Variants in DYNC1H1 observed in about 807,000 individuals in gnomAD.
The protein encoded by DYNC1H1 is cytoplasmic dynein 1 heavy chain 1.
DYNC1H1 carries 51 observed loss-of-function variants against 527.1 expected under a neutral mutation model. The observed-to-expected ratio is 0.10, with a 90% CI of 0.08 to 0.12. DYNC1H1 has a LOEUF of 0.12. Ranked by LOEUF, DYNC1H1 falls within the 10% of genes least tolerant of loss-of-function variation. The pLI, the probability that DYNC1H1 is intolerant of heterozygous loss-of-function variation, is 1.00. For synonymous variants in DYNC1H1, 2,189 were observed against 2,278.8 expected, an observed-to-expected ratio of 0.96 and a Z score of 1.12; for missense variants, 2,771 against 5,971.8, an observed-to-expected ratio of 0.46 and a Z score of 17.66.
At chr14:101,974,947 C>T (rs932327266) in intron 1 of DYNC1H1, among the ~76,000 whole-genome samples, 2 of 152,170 alleles carry the variant, frequency 1.3e-5, no homozygotes, top group African/African-American at 4.8e-5. Context: ...TAAGTCAAAC[C>T]CAGAACAGAC....
At chr14:101,980,012 A>T (rs1182934020) in intron 4 of DYNC1H1, 38 bp downstream of exon 4, 3 of 1,613,522 alleles carry the variant, frequency 1.9e-6, no homozygotes, top group Admixed American at 3.3e-5. Context: ...AAAATATGTT[A>T]CTCTTTAATA....
At position 102,049,749 on chromosome 14, in the gene DYNC1H1, T is replaced by C; in HGVS notation, c.13551T>C (p.Pro4517=). The change falls in exon 76 of 78, where the codon CCT becomes CCC. Residue 4517 remains proline (P), a synonymous_variant. Transcript: ENST00000360184. The surrounding 1 kb of genome is among the most constrained non-coding windows in gnomAD (Gnocchi z 5.5). ...IHVCLGGLFV[P]EAYITATRQY... is the part of the protein sequence containing the mutation. Reference sequence around the variant, plus strand: ...TGTGCCTGGGTGGCCTGTTCGTGCCTGAGGCGTACATCACTGCCACCAGGC... The same window carrying C: ...TGTGCCTGGGTGGCCTGTTCGTGCCCGAGGCGTACATCACTGCCACCAGGC... 1 of 1,613,914 alleles carries C rather than the reference T, an allele frequency of 6.2e-7. No individual in the cohort carries two copies. Among genetic ancestry groups the C allele is most frequent in the Non-Finnish European group, 8.5e-7 (1 of 1,180,018 alleles).
chr14:101,988,922 A>G (rs1051467392), intron 10 of DYNC1H1, 70 bp downstream of exon 10: 14 of 1,594,196 alleles, frequency 8.8e-6, no homozygotes, highest in Admixed American at 5.1e-5. Context: ...AAAAACACCT[A>G]TGGAAAGGTC....
chr14:101,977,691 C>T (rs545760185), intron 2 of DYNC1H1, among the ~76,000 whole-genome samples: 1 of 152,312 alleles, frequency 6.6e-6, no homozygotes, highest in East Asian at 1.9e-4. Flanking sequence ...TGGAGTAGTA[C>T]TTCAGCCTTT....
At chr14:102,000,865 G>T in intron 18 of DYNC1H1, 89 bp from the exon 19 acceptor site, 1 of 1,239,646 alleles carries the variant, frequency 8.1e-7, no homozygotes, top group Non-Finnish European at 1.2e-6. Context: ...GAGCCACCGC[G>T]CCTGGCCTGA....
rs757795096 is a variant in DYNC1H1 at position 102,017,507 on chromosome 14, A to G, written c.8177+3A>G. ...GGAAGAAAGCCCCTCTCACACAGGTAAAACAGCTCGGTAGACTGCTCTGCT... is the reference window on the plus strand; with the variant it reads ...GGAAGAAAGCCCCTCTCACACAGGTGAAACAGCTCGGTAGACTGCTCTGCT... On this transcript the variant is annotated splice_donor_region_variant and intron_variant, in intron 40 of 77. Coordinates refer to ENST00000360184, the MANE Select transcript of DYNC1H1 (RefSeq NM_001376.5). The surrounding 1 kb of genome is among the most constrained non-coding windows in gnomAD (Gnocchi z 4.6). 1.9e-6 allele frequency: 3 copies of G among 1,614,030 alleles called. No homozygotes were observed. In the South Asian group the frequency reaches 3.3e-5, roughly 18 times the overall value.
intron 69 of DYNC1H1, 131 bp from the exon 70 acceptor site, chr14:102,043,744 T>G: frequency 4.8e-6 from 6 of 1,241,182 alleles, no homozygotes; most frequent in Non-Finnish European, 7.0e-6. Context: ...GCAGCAGTAC[T>G]CATGTGAATC....
At position 101,986,691 on chromosome 14, in the gene DYNC1H1, G is replaced by A; in HGVS notation, c.2466G>A (p.Leu822=). 6.2e-7 allele frequency: 1 copy of A among 1,614,172 alleles called. No individual in the cohort carries two copies. Among genetic ancestry groups the A allele is most frequent in the Non-Finnish European group, 8.5e-7 (1 of 1,180,028 alleles). ...VQALIAEGIA[L]VWESYKLDPY... ...CCCTGATCGCAGAAGGCATTGCGTT[G>A]GTGTGGGAGTCCTACAAACTTGACC... Residue 822 remains leucine (L), a synonymous_variant, in exon 8 of 78, where the codon TTG becomes TTA. Transcript: ENST00000360184. The surrounding 1 kb of genome is among the most constrained non-coding windows in gnomAD (Gnocchi z 8.7).
rs766014166 is a variant in DYNC1H1 at position 101,986,578 on chromosome 14, G to A, written c.2353G>A (p.Val785Ile). 29 of 1,613,948 alleles carry A rather than the reference G, an allele frequency of 1.8e-5. No homozygotes were observed. Among genetic ancestry groups the A allele is most frequent in the African/African-American group, 2.7e-5 (2 of 74,894 alleles). The change falls in exon 8 of 78, where the codon GTT becomes ATT. Residue 785 changes from valine to isoleucine, a missense_variant. Physicochemically the swap from Val to Ile is conservative, Grantham distance 29. Coordinates refer to ENST00000360184, the MANE Select transcript of DYNC1H1 (RefSeq NM_001376.5). This position sits in a 1 kb window ranked among gnomAD's most constrained non-coding sequence, Gnocchi z 8.7. ...YPFAISLIES[V>I]RTYERTCEKV... The stretch of plus-strand genomic sequence containing the variant: ...GTTTGCCATCTCACTGATCGAGAGC[G>A]TTCGTACCTATGAACGGACCTGCGA...
rs1023511309 is a variant in DYNC1H1 at position 102,049,248 on chromosome 14, A to T, written c.13373-192A>T. On this transcript the variant is annotated intron_variant, in intron 74 of 77. Transcript: ENST00000360184. The surrounding 1 kb of genome is among the most constrained non-coding windows in gnomAD (Gnocchi z 5.5). ...TGCACGGTTCTGAGACATGCTCTGG[A>T]CCAGCCTGAGCTAGAGCAGATGTGG... The T allele has an allele frequency of 5.5e-6, 4 of 731,784 alleles. No homozygotes were observed. Among genetic ancestry groups the T allele is most frequent in the Non-Finnish European group, 9.3e-6 (4 of 431,314 alleles). 45.3% of individuals were successfully genotyped at this position (731,784 alleles called of 1,614,324 possible). A position where few individuals can be genotyped will look rare whatever the true frequency, so the allele number is the denominator to read the frequency against.
chr14:101,999,088 T>C lies in DYNC1H1; in HGVS notation c.3805-901T>C, dbSNP rs568342103. ...TAGTAGAGACGGGGTTTCAATGTGT[T>C]AGCCAGGATGGTCTCAATCTCCTGA... On this transcript the variant is annotated intron_variant, in intron 16 of 77. Transcript: ENST00000360184. Among the ~76,000 whole-genome samples, 15 of 152,212 alleles carry C rather than the reference T, an allele frequency of 9.9e-5. No individual in the cohort carries two copies. In the South Asian group the frequency reaches 3.1e-3, roughly 32 times the overall value.
chr14:102,010,681 T>TGCA lies in DYNC1H1; in HGVS notation c.6406-56_6406-54dup, dbSNP rs1048364463. 1.5e-5 allele frequency: 24 copies of TGCA among 1,601,934 alleles called. No homozygotes were observed. Among genetic ancestry groups the TGCA allele is most frequent in the Non-Finnish European group, 2.0e-5 (24 of 1,171,272 alleles). ...TTACTGATCACGCACCTCCTGGGGA[T>TGCA]GCAGCGGGCAGTACTTGAGCCATGC... is the stretch of plus-strand genomic sequence containing the variant. On this transcript the variant is annotated intron_variant, in intron 31 of 77. Transcript: ENST00000360184. The surrounding 1 kb of genome is among the most constrained non-coding windows in gnomAD (Gnocchi z 6.0).
chr14:101,970,646 C>G (rs1438950878), intron 1 of DYNC1H1, among the ~76,000 whole-genome samples: 2 of 151,868 alleles, frequency 1.3e-5, no homozygotes, highest in Non-Finnish European at 2.9e-5. Flanking sequence ...CCACGTCTAG[C>G]TAATTTTTGT....
chr14:102,009,550 G>A (rs1567009899), intron 29 of DYNC1H1: 1 of 342,800 alleles, frequency 2.9e-6, no homozygotes, highest in Non-Finnish European at 5.4e-6. Context: ...TCTCTATCTC[G>A]AGTTCTCCAT....
At chr14:102,034,868 G>T in intron 56 of DYNC1H1, 2 of 314,528 alleles carry the variant, frequency 6.4e-6, no homozygotes. Flanking sequence ...AGAGGTTGCG[G>T]TGAGCCGAGA....
chr14:101,964,578 G>A lies in DYNC1H1; in HGVS notation c.-114G>A, dbSNP rs1730264533. On this transcript the variant is annotated 5_prime_UTR_variant, in exon 1 of 78. Transcript: ENST00000360184. The surrounding 1 kb of genome is among the most constrained non-coding windows in gnomAD (Gnocchi z 5.5). Reference sequence around the variant, plus strand: ...AGCCGGCTCCCGCTCTCCTCAGTCTGCGGTGGGCTAGCGGACGGTCCGGCT... The same window carrying A: ...AGCCGGCTCCCGCTCTCCTCAGTCTACGGTGGGCTAGCGGACGGTCCGGCT... 1 of 1,518,758 alleles carries A rather than the reference G, an allele frequency of 6.6e-7. No individual in the cohort carries two copies. Among genetic ancestry groups the A allele is most frequent in the Non-Finnish European group, 8.8e-7 (1 of 1,137,630 alleles). The allele number at this position is 1,518,758 out of a possible 1,614,324, so 94.1% of individuals were successfully genotyped here.
chr14:102,006,271 G>A, intron 27 of DYNC1H1, 101 bp downstream of exon 27: 6 of 1,541,694 alleles, frequency 3.9e-6, no homozygotes, highest in Non-Finnish European at 5.3e-6. Flanking sequence ...TGGAGTGTCT[G>A]TCGCCCAGGC....
In DYNC1H1 at chr14:102,039,759, A is replaced by G. The variant is rs1481211509; in HGVS notation, c.11690+27A>G. ...TAAGAGCACTCACGCCCACAGGAGG[A>G]TGCCATATTGCTGGTGGCCCCCAAG... On this transcript the variant is annotated intron_variant, in intron 62 of 77. Transcript: ENST00000360184. This position sits in a 1 kb window ranked among gnomAD's most constrained non-coding sequence, Gnocchi z 7.0. 2 of 1,613,060 alleles carry G rather than the reference A, an allele frequency of 1.2e-6. No individual in the cohort carries two copies. The highest frequency in any genetic ancestry group is 1.7e-5 in the Admixed American group (1 of 60,012).
At chr14:102,046,258 A>G (rs1295874104) in intron 72 of DYNC1H1, among the ~76,000 whole-genome samples, 2 of 152,126 alleles carry the variant, frequency 1.3e-5, no homozygotes, top group Admixed American at 6.5e-5. Context: ...GGCCTTCACA[A>G]AGCCTCCAAG....
Sources: allele counts gnomAD v4.1 joint callset (sites outside exome capture counted in the v4.1 genomes callset), GRCh38; gene constraint gnomAD v4.1.1; non-coding constraint Gnocchi (gnomAD v3.1); transcripts MANE v1.5; gene names NCBI Gene and HGNC (gene_info 2026-07-23, HGNC 2026-07-21).